The following STXBP6 variants were observed in gnomAD, a reference collection of about 807,000 sequenced individuals.
STXBP6 encodes syntaxin binding protein 6, also known as syntaxin-binding protein 6.
Under a neutral mutation model 26.9 loss-of-function variants are expected in STXBP6, and 21 were observed. The ratio of observed to expected loss-of-function variants is 0.78; its 90% CI spans 0.55 to 1.12. STXBP6 has a LOEUF of 1.12. STXBP6 is among the 50% of genes most tolerant of loss of function. The probability of loss-of-function intolerance (pLI) is 0.00; values close to 1 mark genes in which losing one functional copy is unlikely to be tolerated. For missense variants in STXBP6, 232 were observed against 257.9 expected, an observed-to-expected ratio of 0.90 and a Z score of 0.69; for synonymous variants, 97 against 92.6, an observed-to-expected ratio of 1.05 and a Z score of -0.27.
chr14:24,836,998 G>A (rs2068639100), intron 4 of STXBP6, among the ~76,000 whole-genome samples: 1 of 152,128 alleles, frequency 6.6e-6, no homozygotes, highest in Non-Finnish European at 1.5e-5. Flanking sequence ...AAGACATCAA[G>A]AACATGAATA....
At chr14:24,846,895 A>C (rs528109889) in intron 4 of STXBP6, among the ~76,000 whole-genome samples, 77 of 152,316 alleles carry the variant, frequency 5.1e-4, no homozygotes, top group Non-Finnish European at 7.8e-4. Context: ...TTATCATATA[A>C]TGTGAACAAA....
chr14:24,872,286 G>A (rs1173968068), intron 2 of STXBP6, among the ~76,000 whole-genome samples: 2 of 152,144 alleles, frequency 1.3e-5, no homozygotes, highest in Non-Finnish European at 2.9e-5. Context: ...ATGTATTTGT[G>A]CCTGGCAATG....
chr14:24,873,367 C>A (rs991484786), intron 2 of STXBP6, among the ~76,000 whole-genome samples: 12 of 151,998 alleles, frequency 7.9e-5, no homozygotes, highest in Admixed American at 4.6e-4. Context: ...AGAGCCAGGA[C>A]AGTTTTCAGA....
chr14:24,842,873 A>T (rs2139038245), intron 4 of STXBP6, among the ~76,000 whole-genome samples: 1 of 152,342 alleles, frequency 6.6e-6, no homozygotes, highest in South Asian at 2.1e-4. Context: ...AGTTTTACTT[A>T]ATCTTAATCA....
At chr14:24,880,034 T>G (rs532504049) in intron 2 of STXBP6, among the ~76,000 whole-genome samples, 1 of 152,302 alleles carries the variant, frequency 6.6e-6, no homozygotes, top group East Asian at 1.9e-4. Flanking sequence ...TCGACAGTCA[T>G]GTAGTCTGAG....
At chr14:25,048,262 T>C (rs536293860) in intron 1 of STXBP6, among the ~76,000 whole-genome samples, 9 of 152,234 alleles carry the variant, frequency 5.9e-5, no homozygotes, top group Admixed American at 2.0e-4. Flanking sequence ...TTAGCTCTTT[T>C]CATTTTCATT....
chr14:24,964,725 C>T (rs1230347470), intron 2 of STXBP6, among the ~76,000 whole-genome samples: 1 of 149,134 alleles, frequency 6.7e-6, no homozygotes, highest in African/African-American at 2.5e-5. Context: ...GAAACAAGAA[C>T]CTGATCTGGG....
At chr14:24,833,342 G>A (rs1009524622) in intron 4 of STXBP6, among the ~76,000 whole-genome samples, 2 of 152,166 alleles carry the variant, frequency 1.3e-5, no homozygotes, top group African/African-American at 4.8e-5. Context: ...TGTTCCCCTA[G>A]CACCCTTTGC....
intron 1 of STXBP6, among the ~76,000 whole-genome samples, chr14:25,046,337 C>T (rs1347779867): frequency 6.6e-6 from 1 of 152,200 alleles, no homozygotes; most frequent in Non-Finnish European, 1.5e-5. Context: ...AACCAGAAGG[C>T]TGTTCCTTCA....
chr14:24,884,327 G>A (rs934152241), intron 2 of STXBP6, among the ~76,000 whole-genome samples: 23 of 152,154 alleles, frequency 1.5e-4, no homozygotes, highest in Non-Finnish European at 2.6e-4. Flanking sequence ...AAGAACAGCT[G>A]CAAACAGCTC....
At chr14:25,029,194 A>C (rs932081019) in intron 1 of STXBP6, among the ~76,000 whole-genome samples, 1 of 152,176 alleles carries the variant, frequency 6.6e-6, no homozygotes, top group African/African-American at 2.4e-5. Flanking sequence ...AAATGCTAAC[A>C]AACAGCATCA....
At chr14:24,818,768 G>A (rs2068053796) in intron 5 of STXBP6, among the ~76,000 whole-genome samples, 1 of 152,068 alleles carries the variant, frequency 6.6e-6, no homozygotes, top group South Asian at 2.1e-4. Context: ...CTTCTGAGCA[G>A]GAACTAAAGA....
At chr14:24,923,518 A>G (rs1461874543) in intron 2 of STXBP6, among the ~76,000 whole-genome samples, 1 of 152,180 alleles carries the variant, frequency 6.6e-6, no homozygotes, top group African/African-American at 2.4e-5. Context: ...ACATTTTGGA[A>G]GGTTTTGACA....
intron 1 of STXBP6, among the ~76,000 whole-genome samples, chr14:25,048,135 C>G (rs986657550): frequency 1.3e-5 from 2 of 152,152 alleles, no homozygotes. Context: ...GAGGAGTGGA[C>G]AGAGAGGAGA....
chr14:24,844,226 CT>C (rs1403633461), intron 4 of STXBP6, among the ~76,000 whole-genome samples: 1 of 152,242 alleles, frequency 6.6e-6, no homozygotes, highest in Non-Finnish European at 1.5e-5. Context: ...GCTCCGGACT[CT>C]TCTGGACCTT....
chr14:24,834,068 T>C (rs1350620652), intron 4 of STXBP6, among the ~76,000 whole-genome samples: 1 of 152,136 alleles, frequency 6.6e-6, no homozygotes, highest in Non-Finnish European at 1.5e-5. Context: ...CGATCATGGC[T>C]CACTGCAGCC....
At chr14:25,030,766 C>T (rs1157279212) in intron 1 of STXBP6, among the ~76,000 whole-genome samples, 2 of 152,058 alleles carry the variant, frequency 1.3e-5, no homozygotes, top group Non-Finnish European at 2.9e-5. Flanking sequence ...ATTGCTACGG[C>T]CTGGCTTCAT....
intron 4 of STXBP6, among the ~76,000 whole-genome samples, chr14:24,850,383 A>T (rs854317): frequency 0.078 from 11,904 of 152,140 alleles, 557 homozygotes; most frequent in East Asian, 0.19. Flanking sequence ...TCTGGGCTTT[A>T]TACTATCATC....
Position 25,049,417 on chromosome 14 carries a change from T to G in STXBP6, c.-33+461A>C. 1 of 985,378 alleles carries G rather than the reference T, an allele frequency of 1.0e-6. No individual in the cohort carries two copies. The highest frequency in any genetic ancestry group is 1.2e-6 in the Non-Finnish European group (1 of 829,930). The allele number at this position is 985,378 out of a possible 1,614,324, so 61.0% of individuals were successfully genotyped here. A position where few individuals can be genotyped will look rare whatever the true frequency, so the allele number is the denominator to read the frequency against. Reference sequence around the variant, plus strand: ...TGATTTTCCTAGAAGATGCCAGAGTTCGCGAAGATCGGAGTGATTCGCGGA... The same window carrying G: ...TGATTTTCCTAGAAGATGCCAGAGTGCGCGAAGATCGGAGTGATTCGCGGA... On this transcript the variant is annotated intron_variant, in intron 1 of 5. Transcript: ENST00000323944. This position sits in a 1 kb window ranked among gnomAD's most constrained non-coding sequence, Gnocchi z 5.6.
Sources: allele counts gnomAD v4.1 joint callset (sites outside exome capture counted in the v4.1 genomes callset), GRCh38; gene constraint gnomAD v4.1.1; non-coding constraint Gnocchi (gnomAD v3.1); transcripts MANE v1.5; gene names NCBI Gene and HGNC (gene_info 2026-07-23, HGNC 2026-07-21).